Variants in IBTK observed in about 807,000 individuals in gnomAD.
IBTK encodes the protein BTK-binding protein.
A neutral mutation model predicts 154.9 loss-of-function variants in IBTK; 83 were observed. The observed-to-expected ratio is 0.54, with a 90% CI of 0.45 to 0.64. IBTK has a LOEUF of 0.64. IBTK is among the 30% of genes least tolerant of loss of function. The pLI, the probability that IBTK is intolerant of heterozygous loss-of-function variation, is 0.00. For synonymous variants in IBTK, 515 were observed against 536.1 expected (o/e 0.96, Z 0.54); for missense variants, 1,332 against 1,584.6 (o/e 0.84, Z 2.71).
rs1768770971 is a variant in IBTK at position 82,191,577 on chromosome 6, G to GTATTCTACAAGAGCTGGATTA, written c.3431+189_3431+209dup. ...AGTCAAGTTTCTGGGATGTAATACT[G>GTATTCTACAAGAGCTGGATTA]TATTCTACAAGAGCTGGATTATCAA... On this transcript the variant is annotated intron_variant, in intron 24 of 28. Coordinates refer to ENST00000306270, the MANE Select transcript of IBTK (RefSeq NM_015525.4). The GTATTCTACAAGAGCTGGATTA allele has an allele frequency of 1.4e-5, 9 of 635,196 alleles. No homozygotes were observed. In the Admixed American group the frequency reaches 2.1e-4, roughly 15 times the overall value. 39.3% of individuals were successfully genotyped at this position (635,196 alleles called of 1,614,324 possible). A position where few individuals can be genotyped will look rare whatever the true frequency, so the allele number is the denominator to read the frequency against.
intron 27 of IBTK, 36 bp from the exon 28 acceptor site, chr6:82,172,548 C>A (rs751351891): frequency 1.5e-5 from 23 of 1,574,456 alleles, no homozygotes; most frequent in Non-Finnish European, 1.8e-5. Flanking sequence ...CATTCATCTT[C>A]CTAAATTTTT....
At chr6:82,185,622 A>G (rs1396593212) in intron 25 of IBTK, among the ~76,000 whole-genome samples, 1 of 151,528 alleles carries the variant, frequency 6.6e-6, no homozygotes, top group Non-Finnish European at 1.5e-5. Context: ...TACTTCAAGC[A>G]TATATTACAA....
intron 10 of IBTK, 50 bp downstream of exon 10, chr6:82,217,910 A>T: frequency 1.6e-6 from 2 of 1,242,602 alleles, no homozygotes; most frequent in Non-Finnish European, 2.2e-6. Flanking sequence ...TTGTCAAATT[A>T]AAGGATAATT....
In IBTK at chr6:82,240,169, C is replaced by T. The variant is rs925639171; in HGVS notation, c.318G>A (p.Leu106=). Residue 106 remains leucine (L), a synonymous_variant, in exon 2 of 29, where the codon TTG becomes TTA. Transcript: ENST00000306270. Reference sequence around the variant, plus strand: ...AAAATAAACAAATGACAATTACCTTCAATAGAGACCAAACACAATCAATAT... The same window carrying T: ...AAAATAAACAAATGACAATTACCTTTAATAGAGACCAAACACAATCAATAT... ...YGHIDCVWSL[L]KHGVSLYIQD... is the part of the protein sequence containing the mutation. The T allele has an allele frequency of 3.1e-6, 5 of 1,609,786 alleles. No individual in the cohort carries two copies. Among genetic ancestry groups the T allele is most frequent in the Non-Finnish European group, 4.2e-6 (5 of 1,176,542 alleles).
At chr6:82,191,647 GGCTAAATT>G in intron 24 of IBTK, 132 bp downstream of exon 24, 1 of 712,226 alleles carries the variant, frequency 1.4e-6, no homozygotes, top group South Asian at 1.5e-5. Flanking sequence ...ATATTATGGA[GGCTAAATT>G]GCCCAGAAAA....
chr6:82,207,468 T>A (rs1257079756), intron 16 of IBTK, among the ~76,000 whole-genome samples: 1 of 152,166 alleles, frequency 6.6e-6, no homozygotes, highest in Non-Finnish European at 1.5e-5. Flanking sequence ...CAGCTGGTGT[T>A]AATGGATTAT....
chr6:82,237,151 C>T (rs1387453492), intron 2 of IBTK, among the ~76,000 whole-genome samples: 1 of 152,018 alleles, frequency 6.6e-6, no homozygotes, highest in African/African-American at 2.4e-5. Context: ...TAAATGCTAA[C>T]ACCTAAATGG....
chr6:82,176,224 A>T (rs1408218409), intron 26 of IBTK, among the ~76,000 whole-genome samples: 1 of 151,702 alleles, frequency 6.6e-6, no homozygotes, highest in East Asian at 2.0e-4. Flanking sequence ...TTTTTTCACT[A>T]ATTAGAAACA....
intron 20 of IBTK, 89 bp from the exon 21 acceptor site, chr6:82,200,342 GCTA>G: frequency 1.1e-6 from 1 of 929,134 alleles, no homozygotes; most frequent in Admixed American, 2.2e-5. Context: ...TAACCTGAAG[GCTA>G]CTTTTTAAAA....
intron 3 of IBTK, among the ~76,000 whole-genome samples, chr6:82,232,428 G>A (rs1381668062): frequency 6.6e-6 from 1 of 152,102 alleles, no homozygotes; most frequent in Non-Finnish European, 1.5e-5. Context: ...TAGTGATTAG[G>A]GTAAAGCCCA....
At chr6:82,236,072 C>A (rs926406816) in intron 2 of IBTK, among the ~76,000 whole-genome samples, 17 of 152,250 alleles carry the variant, frequency 1.1e-4, no homozygotes, top group South Asian at 4.2e-4. Flanking sequence ...TGAGGTTTTG[C>A]CATGTTGCCC....
chr6:82,213,388 A>G (rs1438493789), intron 12 of IBTK, among the ~76,000 whole-genome samples: 1 of 152,036 alleles, frequency 6.6e-6, no homozygotes, highest in African/African-American at 2.4e-5. Context: ...CCACCCTACA[A>G]CGAAGGTTTA....
At chr6:82,226,923 T>G (rs940972650) in intron 5 of IBTK, among the ~76,000 whole-genome samples, 5 of 152,184 alleles carry the variant, frequency 3.3e-5, no homozygotes, top group Admixed American at 1.3e-4. Context: ...CCTTCTTCTA[T>G]TTCAACTCTA....
At chr6:82,220,980 A>ACACACACACACACAC (rs1770078905) in intron 8 of IBTK, among the ~76,000 whole-genome samples, 1 of 150,796 alleles carries the variant, frequency 6.6e-6, no homozygotes, top group Admixed American at 6.6e-5. Flanking sequence ...ACACACACAC[A>ACACACACACACACAC]TTAAATGCCT....
chr6:82,234,803 A>G (rs1770654238), intron 2 of IBTK, among the ~76,000 whole-genome samples: 1 of 152,188 alleles, frequency 6.6e-6, no homozygotes, highest in Admixed American at 6.5e-5. Flanking sequence ...ATAAGGAAGA[A>G]TCAGAAAATG....
Position 82,211,420 on chromosome 6 carries a change from G to T in IBTK, c.2375-16C>A. ...TGAAAATATTCTAAAAGAAAAAAAA[G>T]TTCAATGCAATAAGAATAGTGAAAC... On this transcript the variant is annotated splice_polypyrimidine_tract_variant and intron_variant, in intron 14 of 28. Transcript: ENST00000306270. The T allele has an allele frequency of 6.2e-7, 1 of 1,606,842 alleles. No individual in the cohort carries two copies. The highest frequency in any genetic ancestry group is 8.5e-7 in the Non-Finnish European group (1 of 1,175,208).
At chr6:82,193,541 A>G (rs558812685) in intron 23 of IBTK, among the ~76,000 whole-genome samples, 6 of 152,330 alleles carry the variant, frequency 3.9e-5, no homozygotes, top group Non-Finnish European at 8.8e-5. Context: ...TTTCAAAAGA[A>G]TTAAACAGTC....
intron 27 of IBTK, chr6:82,173,000 C>CTTTT (rs59205005): frequency 1.3e-5 from 2 of 149,014 alleles, no homozygotes; most frequent in African/African-American, 2.7e-5. Flanking sequence ...CTCTTATTCT[C>CTTTT]TTTTTTTTTT....
intron 24 of IBTK, 78 bp downstream of exon 24, chr6:82,191,709 G>T (rs1319715194): frequency 1.1e-6 from 1 of 891,556 alleles, no homozygotes; most frequent in East Asian, 2.4e-5. Flanking sequence ...AAAATAATAA[G>T]AAAGATGCAG....
Sources: allele counts gnomAD v4.1 joint callset (sites outside exome capture counted in the v4.1 genomes callset), GRCh38; gene constraint gnomAD v4.1.1; transcripts MANE v1.5; gene names NCBI Gene and HGNC (gene_info 2026-07-23, HGNC 2026-07-21).